The following SLC9A2 variants were observed in gnomAD, a reference collection of about 807,000 sequenced individuals.
SLC9A2 encodes sodium/hydrogen exchanger 2.
Under a neutral mutation model 71.7 loss-of-function variants are expected in SLC9A2, and 42 were observed. That is an observed-to-expected ratio of 0.59 (90% CI 0.46 to 0.76). The LOEUF is 0.76. SLC9A2 is among the 30% of genes least tolerant of loss of function. The pLI, the probability that SLC9A2 is intolerant of heterozygous loss-of-function variation, is 0.00. For missense variants in SLC9A2, 829 were observed against 1,017.4 expected (o/e 0.81, Z 2.52); for synonymous variants, 396 against 392.5 (o/e 1.01, Z -0.10).
Position 102,702,430 on chromosome 2 carries a change from G to A in SLC9A2, c.1773G>A (p.Arg591=), listed in dbSNP as rs1677888891. 6.3e-7 allele frequency: 1 copy of A among 1,594,296 alleles called. No individual in the cohort carries two copies. The highest frequency in any genetic ancestry group is 1.8e-5 in the Admixed American group (1 of 55,642). ...SLNDCREEKI[R]KVTSSETDEI... is the part of the protein sequence containing the mutation. ...GTGATTGTCGTGAAGAAAAAATAAG[G>A]AAGGTCACGTCCAGTGAAACTGATG... Residue 591 remains arginine, a synonymous_variant, in exon 9 of 12, where the codon AGG becomes AGA. Coordinates refer to ENST00000233969, the MANE Select transcript of SLC9A2 (RefSeq NM_003048.6).
At chr2:102,647,650 T>A (rs376019766) in intron 1 of SLC9A2, among the ~76,000 whole-genome samples, 2,184 of 147,574 alleles carry the variant, frequency 0.015, 54 homozygotes, top group African/African-American at 0.055. Flanking sequence ...ATAAAAAAAA[T>A]AAAGGGAATA....
At chr2:102,675,842 CA>C (rs1268233948) in intron 3 of SLC9A2, among the ~76,000 whole-genome samples, 1 of 152,172 alleles carries the variant, frequency 6.6e-6, no homozygotes, top group Non-Finnish European at 1.5e-5. Context: ...GCTTTTTTCT[CA>C]TTTCTCCTTC....
At chr2:102,691,039 G>A (rs1355455010) in intron 5 of SLC9A2, among the ~76,000 whole-genome samples, 1 of 150,730 alleles carries the variant, frequency 6.6e-6, no homozygotes, top group Non-Finnish European at 1.5e-5. Context: ...ATTTTTGTTT[G>A]TTTGTTTTCC....
Position 102,700,769 on chromosome 2 carries a change from G to A in SLC9A2, c.1587-301G>A, listed in dbSNP as rs767463975. 2.0e-4 allele frequency among the ~76,000 whole-genome samples: 31 copies of A among 151,918 alleles called. 1 individual carries two copies. The highest frequency in any genetic ancestry group is 3.8e-4 in the Non-Finnish European group (26 of 67,994). On this transcript the variant is annotated intron_variant, in intron 7 of 11. Transcript: ENST00000233969. ...ATGAATACTAGATTTATGTGCATCAGGGTCATATACAAAAATGTAGCAGTA... is the reference window on the plus strand; with the variant it reads ...ATGAATACTAGATTTATGTGCATCAAGGTCATATACAAAAATGTAGCAGTA...
chr2:102,661,314 G>A (rs886801038), intron 2 of SLC9A2, among the ~76,000 whole-genome samples: 2 of 152,222 alleles, frequency 1.3e-5, no homozygotes, highest in Non-Finnish European at 2.9e-5. Context: ...GTTAAGGAGA[G>A]CTGGCTCTGT....
chr2:102,628,103 T>C (rs1676284911), intron 1 of SLC9A2, among the ~76,000 whole-genome samples: 1 of 152,160 alleles, frequency 6.6e-6, no homozygotes, highest in Non-Finnish European at 1.5e-5. Context: ...TATGATATAC[T>C]GTACACTTAA....
intron 11 of SLC9A2, among the ~76,000 whole-genome samples, chr2:102,707,186 C>T (rs530865603): frequency 2.3e-4 from 35 of 151,948 alleles, no homozygotes; most frequent in Non-Finnish European, 5.0e-4. Context: ...TTATTACAAG[C>T]CCAAACATTA....
chr2:102,687,783 ATT>A (rs35653787), intron 5 of SLC9A2, among the ~76,000 whole-genome samples: 1 of 145,450 alleles, frequency 6.9e-6, no homozygotes, highest in African/African-American at 2.5e-5. Flanking sequence ...TGTTTGGGGA[ATT>A]TTTTTTTTTT....
chr2:102,653,958 T>C (rs1309332399), intron 1 of SLC9A2, among the ~76,000 whole-genome samples: 2 of 152,222 alleles, frequency 1.3e-5, no homozygotes, highest in Admixed American at 6.5e-5. Context: ...TACAGTTCTT[T>C]ACCCAGCAGG....
intron 1 of SLC9A2, among the ~76,000 whole-genome samples, chr2:102,637,895 T>C (rs971110298): frequency 2.6e-5 from 4 of 152,162 alleles, no homozygotes; most frequent in African/African-American, 9.7e-5. Flanking sequence ...GTGGGCCCTG[T>C]TGGTGCCTCT....
chr2:102,669,061 T>C (rs1380065800), intron 3 of SLC9A2, among the ~76,000 whole-genome samples: 1 of 152,254 alleles, frequency 6.6e-6, no homozygotes, highest in Non-Finnish European at 1.5e-5. Flanking sequence ...TCTTGATTTC[T>C]TTGGAAAGAT....
intron 3 of SLC9A2, among the ~76,000 whole-genome samples, chr2:102,681,581 T>C (rs1432652821): frequency 1.3e-5 from 2 of 152,264 alleles, no homozygotes; most frequent in East Asian, 1.9e-4. Context: ...GCTGTGAAGA[T>C]TGACTGTTTT....
intron 5 of SLC9A2, among the ~76,000 whole-genome samples, chr2:102,689,290 T>A (rs1173628320): frequency 6.6e-6 from 1 of 152,104 alleles, no homozygotes; most frequent in Non-Finnish European, 1.5e-5. Context: ...CTCAGAAGGG[T>A]GACCTTACTT....
chr2:102,691,167 C>T (rs1173785363), intron 5 of SLC9A2, among the ~76,000 whole-genome samples: 2 of 152,200 alleles, frequency 1.3e-5, no homozygotes, highest in Non-Finnish European at 2.9e-5. Context: ...ACATGATTCT[C>T]CCAGGCAGGC....
chr2:102,672,136 T>G (rs1677263879), intron 3 of SLC9A2, among the ~76,000 whole-genome samples: 1 of 151,984 alleles, frequency 6.6e-6, no homozygotes, highest in Non-Finnish European at 1.5e-5. Flanking sequence ...AAAAATAAAT[T>G]TAAAAATATA....
intron 1 of SLC9A2, among the ~76,000 whole-genome samples, chr2:102,628,186 TAAC>T (rs1343751775): frequency 2.0e-5 from 3 of 152,116 alleles, no homozygotes; most frequent in East Asian, 1.9e-4. Context: ...CAAATAATAA[TAAC>T]AATAAAGAGA....
chr2:102,661,113 G>T (rs113271240), intron 2 of SLC9A2, among the ~76,000 whole-genome samples: 1 of 152,146 alleles, frequency 6.6e-6, no homozygotes, highest in South Asian at 2.1e-4. Context: ...AAAAATAAAC[G>T]TGTGATTTTT....
intron 10 of SLC9A2, among the ~76,000 whole-genome samples, chr2:102,704,920 C>T (rs920538426): frequency 2.0e-5 from 3 of 152,070 alleles, no homozygotes; most frequent in Non-Finnish European, 2.9e-5. Flanking sequence ...GTGGGCCGGT[C>T]GTGGTGGCTC....
chr2:102,661,759 T>TATC (rs1677053317), intron 2 of SLC9A2, among the ~76,000 whole-genome samples: 1 of 152,214 alleles, frequency 6.6e-6, no homozygotes, highest in African/African-American at 2.4e-5. Flanking sequence ...AGTACATAGG[T>TATC]ATCACTGACA....
Sources: gnomAD v4.1 joint callset for allele counts (sites outside exome capture counted in the v4.1 genomes callset) on GRCh38, gnomAD v4.1.1 for gene constraint, MANE v1.5 for transcripts, NCBI Gene and HGNC (gene_info 2026-07-23, HGNC 2026-07-21) for gene names.